SRR: variants seen among roughly 807,000 people sequenced by gnomAD.
SRR encodes the protein serine racemase, also known as D-serine ammonia-lyase.
A neutral mutation model predicts 32.7 loss-of-function variants in SRR; 19 were observed. The observed-to-expected ratio is 0.58, with a 90% CI of 0.40 to 0.85. SRR has a LOEUF of 0.85. Among genes scored for constraint, SRR ranks in the 40% least tolerant of loss-of-function variants. The probability of loss-of-function intolerance (pLI) is 0.00; values close to 1 mark genes in which losing one functional copy is unlikely to be tolerated. For synonymous variants in SRR, 142 were observed against 140.9 expected (o/e 1.01, Z -0.06); for missense variants, 373 against 404.7 (o/e 0.92, Z 0.67).
rs781315596 is a variant in SRR, at chr17:2,323,732, G to A, written c.882G>A (p.Leu294=). ...CTGGTGTTGGAGTGGCTGCTGTGCT[G>A]TCTCAACATTTTCAAACTGTTTCCC... The part of the protein sequence containing the change: ...PTAGVGVAAV[L]SQHFQTVSPE... The change falls in exon 8 of 8, where the codon CTG becomes CTA. Residue 294 remains leucine (L), a synonymous_variant. Coordinates refer to ENST00000344595, the MANE Select transcript of SRR (RefSeq NM_021947.3). 5.0e-6 allele frequency: 8 copies of A among 1,614,180 alleles called. No individual in the cohort carries two copies. The Admixed American group carries it at 8.3e-5, about 17-fold the overall frequency.
At chr17:2,317,339 G>A (rs1166296303) in intron 2 of SRR, among the ~76,000 whole-genome samples, 2 of 151,242 alleles carry the variant, frequency 1.3e-5, no homozygotes, top group South Asian at 2.1e-4. Flanking sequence ...GGGAAACCCC[G>A]TCGCTACTAA....
chr17:2,317,385 G>C (rs890715126), intron 2 of SRR, among the ~76,000 whole-genome samples: 2 of 151,786 alleles, frequency 1.3e-5, no homozygotes, highest in Non-Finnish European at 2.9e-5. Flanking sequence ...GGTGGCGGGC[G>C]CCTGCAGACC....
Position 2,316,704 on chromosome 17 carries a change from CTT to C in SRR, c.168+981_168+982del, listed in dbSNP as rs577332549. Among the ~76,000 whole-genome samples the C allele has an allele frequency of 2.2e-4, 34 of 151,736 alleles. 1 individual carries two copies. The South Asian group carries it at 7.1e-3, about 32-fold the overall frequency. ...CCAGCCTGACCAACATGATGAAACG[CTT>C]TTTTGTTTTGTTTTGTTTTGTTTTG... is the stretch of plus-strand genomic sequence containing the variant. On this transcript the variant is annotated intron_variant, in intron 2 of 7. Transcript: ENST00000344595.
chr17:2,315,126 C>T (rs2075462341), intron 1 of SRR, among the ~76,000 whole-genome samples: 1 of 151,650 alleles, frequency 6.6e-6, no homozygotes, highest in Non-Finnish European at 1.5e-5. Context: ...CCTGTAATCC[C>T]AGCTACTCGG....
upstream of SRR, chr17:2,303,603 C>A: frequency 7.1e-7 from 1 of 1,413,276 alleles, no homozygotes; most frequent in Non-Finnish European, 9.2e-7. Context: ...GCGGGCAGGC[C>A]CGGCCCAGGA....
At chr17:2,322,394 G>C (rs941174316) in intron 6 of SRR, 3 of 152,330 alleles carry the variant, frequency 2.0e-5, no homozygotes, top group Admixed American at 2.0e-4. Context: ...GCAATGGAAG[G>C]CTAGTATCAG....
rs1262353578 is a variant in SRR, at chr17:2,323,832, C to T, written c.982C>T (p.Gln328Ter). ...DLTSSITWVKQAERPASYQSV... is the reference protein window; with the variant it reads ...DLTSSITWVK ...AACCTCCTCCATAACTTGGGTGAAGCAGGCTGAAAGGCCAGCTTCTTATCA... is the reference window on the plus strand; with the variant it reads ...AACCTCCTCCATAACTTGGGTGAAGTAGGCTGAAAGGCCAGCTTCTTATCA... The change falls in exon 8 of 8, where the codon CAG (glutamine) becomes TAG (stop). Residue 328 changes from glutamine to a stop codon, truncating the protein, a stop_gained. Transcript: ENST00000344595. LOFTEE classifies it high-confidence loss of function. 6.2e-7 allele frequency: 1 copy of T among 1,614,018 alleles called. No individual in the cohort carries two copies. Among genetic ancestry groups the T allele is most frequent in the Non-Finnish European group, 8.5e-7 (1 of 1,180,048 alleles).
chr17:2,316,400 C>T (rs1463049556), intron 2 of SRR, among the ~76,000 whole-genome samples: 1 of 152,206 alleles, frequency 6.6e-6, no homozygotes, highest in Non-Finnish European at 1.5e-5. Flanking sequence ...ATGTTTGGGA[C>T]TGAAAGAAGC....
At chr17:2,305,765 T>A (rs1193626808) in intron 1 of SRR, among the ~76,000 whole-genome samples, 3 of 152,060 alleles carry the variant, frequency 2.0e-5, no homozygotes, top group Non-Finnish European at 4.4e-5. Flanking sequence ...AGTGGCACAA[T>A]CTTGGCTCAC....
In SRR at chr17:2,324,436, C is replaced by G. The variant is rs1281150051; in HGVS notation, c.*563C>G. 6.2e-7 allele frequency: 1 copy of G among 1,610,428 alleles called. No individual in the cohort carries two copies. The highest frequency in any genetic ancestry group is 8.5e-7 in the Non-Finnish European group (1 of 1,178,382). On this transcript the variant is annotated 3_prime_UTR_variant, in exon 8 of 8. Coordinates refer to ENST00000344595, the MANE Select transcript of SRR (RefSeq NM_021947.3). ...GTAGAAAATTTTAAAGCAATGACTT[C>G]CAACCCAACAGTCATTTAGCAACAC...
chr17:2,305,151 A>C (rs939642573), intron 1 of SRR, among the ~76,000 whole-genome samples: 5 of 152,236 alleles, frequency 3.3e-5, no homozygotes, highest in Non-Finnish European at 7.3e-5. Context: ...AAAAGATCCA[A>C]CAGTTCAGAA....
chr17:2,316,237 A>G (rs1597263893), intron 2 of SRR, among the ~76,000 whole-genome samples: 1 of 152,296 alleles, frequency 6.6e-6, no homozygotes, highest in East Asian at 1.9e-4. Context: ...CTGGATTTGT[A>G]TAAGTACACT....
chr17:2,314,668 G>A (rs918398026), intron 1 of SRR, among the ~76,000 whole-genome samples: 1 of 151,056 alleles, frequency 6.6e-6, no homozygotes, highest in African/African-American at 2.4e-5. Context: ...CAGGAGAATC[G>A]CTTGAACCTG....
At chr17:2,313,048 T>A (rs968903931) in intron 1 of SRR, among the ~76,000 whole-genome samples, 4 of 152,156 alleles carry the variant, frequency 2.6e-5, no homozygotes, top group Admixed American at 1.3e-4. Flanking sequence ...CGCCTTAGCC[T>A]CCCAAGTAGC....
chr17:2,323,713 T>C lies in SRR; in HGVS notation c.863T>C (p.Val288Ala), dbSNP rs1182750670. The stretch of plus-strand genomic sequence containing the variant: ...CTACTCATTGAACCTACAGCTGGTG[T>C]TGGAGTGGCTGCTGTGCTGTCTCAA... ...MKLLIEPTAG[V>A]GVAAVLSQHF... Residue 288 changes from valine to alanine, a missense_variant, in exon 8 of 8, where the codon GTT (valine) becomes GCT (alanine). By Grantham distance (64) the Val-to-Ala change is moderately conservative. Transcript: ENST00000344595. The C allele has an allele frequency of 1.2e-6, 2 of 1,614,188 alleles. No individual in the cohort carries two copies. Among genetic ancestry groups the C allele is most frequent in the South Asian group, 1.1e-5 (1 of 91,086 alleles).
chr17:2,307,475 C>A, intron 1 of SRR: 1 of 1,436,254 alleles, frequency 7.0e-7, no homozygotes, highest in Non-Finnish European at 9.7e-7. Flanking sequence ...GGATATCGTG[C>A]AGTGGGGATG....
chr17:2,303,763 G>A (rs1009018146), upstream of SRR: 20 of 1,466,554 alleles, frequency 1.4e-5, no homozygotes, highest in African/African-American at 4.4e-5. Context: ...CGCCACCGCC[G>A]CGCGCAGCCA....
chr17:2,317,658 A>G (rs1327439926), intron 2 of SRR, among the ~76,000 whole-genome samples: 2 of 152,164 alleles, frequency 1.3e-5, no homozygotes, highest in East Asian at 3.8e-4. Flanking sequence ...CAGTAAGCCG[A>G]GATCGTGGCA....
chr17:2,303,956 A>T lies in SRR; in HGVS notation c.-66A>T. On this transcript the variant is annotated 5_prime_UTR_variant, in exon 1 of 8. Transcript: ENST00000344595. ...GGGCGGGCGGGCGCTGCGCGTGCGC[A>T]GAGGTGCGGCCGGGGAGGCGCGCGG... is the stretch of plus-strand genomic sequence containing the variant. 2.6e-6 allele frequency: 1 copy of T among 386,316 alleles called. No individual in the cohort carries two copies. The highest frequency in any genetic ancestry group is 4.9e-5 in the Admixed American group (1 of 20,500). 23.9% of individuals were successfully genotyped at this position (386,316 alleles called of 1,614,324 possible).
Sources: gnomAD v4.1 joint callset for allele counts (sites outside exome capture counted in the v4.1 genomes callset) on GRCh38, gnomAD v4.1.1 for gene constraint, MANE v1.5 for transcripts, NCBI Gene and HGNC (gene_info 2026-07-23, HGNC 2026-07-21) for gene names.